FCSK: variants seen among roughly 807,000 people sequenced by gnomAD.
The protein encoded by FCSK is fucose kinase.
A neutral mutation model predicts 122.5 loss-of-function variants in FCSK; 123 were observed. That is an observed-to-expected ratio of 1.00 (90% CI 0.87 to 1.17). The LOEUF is 1.17. Ranked by LOEUF, FCSK falls within the 50% of genes most tolerant of loss-of-function variation. The probability of loss-of-function intolerance (pLI) is 0.00; values close to 1 mark genes in which losing one functional copy is unlikely to be tolerated. For missense variants in FCSK, 1,366 were observed against 1,450.4 expected (o/e 0.94, Z 0.95); for synonymous variants, 620 against 625.5 (o/e 0.99, Z 0.13).
Position 70,466,878 on chromosome 16 carries a change from A to G in FCSK, c.412-4A>G, listed in dbSNP as rs1196134771. On this transcript the variant is annotated splice_region_variant and splice_polypyrimidine_tract_variant and intron_variant, in intron 5 of 23. Transcript: ENST00000288078. ...AGCTGTGTTCTGTCTCCTTCCCCCC[A>G]CAGCTGGGCCCGGGCTCCCCGCCAG... The G allele has an allele frequency of 6.2e-7, 1 of 1,612,878 alleles. No homozygotes were observed. The highest frequency in any genetic ancestry group is 2.2e-5 in the East Asian group (1 of 44,876).
At chr16:70,461,118 C>T (rs911479484) in intron 1 of FCSK, among the ~76,000 whole-genome samples, 1 of 152,160 alleles carries the variant, frequency 6.6e-6, no homozygotes, top group Non-Finnish European at 1.5e-5. Flanking sequence ...GTGGTGGTGT[C>T]CTGTCAGCCT....
At chr16:70,458,817 G>T (rs536621078) in intron 1 of FCSK, among the ~76,000 whole-genome samples, 63 of 152,078 alleles carry the variant, frequency 4.1e-4, no homozygotes, top group Non-Finnish European at 7.2e-4. Context: ...AATTATAATA[G>T]ATAATACATA....
Position 70,469,208 on chromosome 16 carries a change from C to T in FCSK, c.840C>T (p.Asp280=). Residue 280 remains aspartate (D), a synonymous_variant, in exon 10 of 24, where the codon GAC becomes GAT. Transcript: ENST00000288078. The part of the protein sequence containing the change: ...HCMAENVTRE[D]FLVGRPPELG... ...TGGCTGAGAACGTGACCAGGGAGGA[C>T]TTCCTGGTGGGGAGGCCCCCAGAGT... The T allele has an allele frequency of 6.2e-7, 1 of 1,614,160 alleles. No individual in the cohort carries two copies. The highest frequency in any genetic ancestry group is 1.1e-5 in the South Asian group (1 of 91,084).
rs1486436511 is a variant in FCSK at position 70,471,357 on chromosome 16, G to T, written c.1341+5G>T. ...GGCCGTCTGGACAGCTGGGAGGTAG[G>T]CAGTCACCCTGCATTCCCTCACCCC... is the stretch of plus-strand genomic sequence containing the variant. On this transcript the variant is annotated splice_donor_5th_base_variant and intron_variant, in intron 13 of 23. Transcript: ENST00000288078. The T allele has an allele frequency of 1.8e-5, 28 of 1,568,026 alleles. No individual in the cohort carries two copies. Among genetic ancestry groups the T allele is most frequent in the African/African-American group, 2.7e-5 (2 of 74,376 alleles).
intron 2 of FCSK, 23 bp from the exon 3 acceptor site, chr16:70,463,600 C>G (rs976730405): frequency 6.2e-7 from 1 of 1,611,968 alleles, no homozygotes; most frequent in Non-Finnish European, 8.5e-7. Flanking sequence ...GGGGGCAGGT[C>G]CCAGTGTCTC....
chr16:70,466,611 C>T (rs538611586), intron 5 of FCSK: 16 of 514,142 alleles, frequency 3.1e-5, no homozygotes, highest in African/African-American at 1.1e-4. Flanking sequence ...GCAGGAAGAT[C>T]GCTTGAGCCC....
Position 70,463,286 on chromosome 16 carries a change from C to G in FCSK, c.82+14C>G. 6.2e-7 allele frequency: 1 copy of G among 1,605,290 alleles called. No individual in the cohort carries two copies. The highest frequency in any genetic ancestry group is 8.5e-7 in the Non-Finnish European group (1 of 1,172,558). Reference sequence around the variant, plus strand: ...TCTTTCAGAGAGGTAGGGGACTCCCCTTCCCACCTTGCCCCTAATGGAGAA... The same window carrying G: ...TCTTTCAGAGAGGTAGGGGACTCCCGTTCCCACCTTGCCCCTAATGGAGAA... On this transcript the variant is annotated intron_variant, in intron 2 of 23. Transcript: ENST00000288078.
Position 70,478,416 on chromosome 16 carries a change from T to TA in FCSK, c.2786_2787insA (p.Val930GlyfsTer39). 1 of 1,614,122 alleles carries TA rather than the reference T, an allele frequency of 6.2e-7. No homozygotes were observed. Among genetic ancestry groups the TA allele is most frequent in the Non-Finnish European group, 8.5e-7 (1 of 1,180,022 alleles). On this transcript the variant is annotated frameshift_variant, in exon 21 of 24. Coordinates refer to ENST00000288078, the MANE Select transcript of FCSK (RefSeq NM_145059.3). LOFTEE classifies it high-confidence loss of function. The stretch of plus-strand genomic sequence containing the variant: ...CAGAAGCTCAATGACCACCTGCTCT[T>TA]GGTGTACACTGGCAAGACCCGCCTG...
At chr16:70,467,668 A>C (rs1479135178) in intron 7 of FCSK, 197 bp downstream of exon 7, 1 of 633,296 alleles carries the variant, frequency 1.6e-6, no homozygotes, top group African/African-American at 1.8e-5. Flanking sequence ...CCGCCTGTCC[A>C]GTCTCTGTGC....
chr16:70,468,991 G>A lies in FCSK; in HGVS notation c.783+23G>A, dbSNP rs560555265. ...CAGGTGACTGGGGGAGGGCAGCTAGGTGGGGCCTGGCTTGGGGGCGAGGCA... is the reference window on the plus strand; with the variant it reads ...CAGGTGACTGGGGGAGGGCAGCTAGATGGGGCCTGGCTTGGGGGCGAGGCA... On this transcript the variant is annotated intron_variant, in intron 9 of 23. Coordinates refer to ENST00000288078, the MANE Select transcript of FCSK (RefSeq NM_145059.3). 30 of 1,611,800 alleles carry A rather than the reference G, an allele frequency of 1.9e-5. No individual in the cohort carries two copies. The South Asian group carries it at 3.0e-4, about 16-fold the overall frequency.
rs779504047 is a variant in FCSK, at chr16:70,479,295, C to T, written c.3045C>T (p.His1015=). 71 of 1,613,908 alleles carry T rather than the reference C, an allele frequency of 4.4e-5. No individual in the cohort carries two copies. The highest frequency in any genetic ancestry group is 5.3e-5 in the Non-Finnish European group (63 of 1,180,022). ...VRRMMDVLAP[H]VHGQSLAGAG... is the part of the protein sequence containing the mutation. ...GTATGATGGATGTCCTGGCCCCCCA[C>T]GTGCATGGCCAGAGCCTGGCTGGGG... is the stretch of plus-strand genomic sequence containing the variant. The change falls in exon 23 of 24, where the codon CAC becomes CAT. Residue 1015 remains histidine (H), a synonymous_variant. Coordinates refer to ENST00000288078, the MANE Select transcript of FCSK (RefSeq NM_145059.3).
Position 70,471,155 on chromosome 16 carries a change from C to T in FCSK, c.1171-27C>T, listed in dbSNP as rs919818534. On this transcript the variant is annotated intron_variant, in intron 12 of 23. Coordinates refer to ENST00000288078, the MANE Select transcript of FCSK (RefSeq NM_145059.3). Reference sequence around the variant, plus strand: ...GGGGGGTGTTGGGTGCCTGCCCACCCAGGATGCCTGCCCTGTCCCCCACCA... The same window carrying T: ...GGGGGGTGTTGGGTGCCTGCCCACCTAGGATGCCTGCCCTGTCCCCCACCA... The T allele has an allele frequency of 1.9e-6, 3 of 1,595,586 alleles. No individual in the cohort carries two copies. In the African/African-American group the frequency reaches 4.0e-5, roughly 21 times the overall value.
Position 70,473,403 on chromosome 16 carries a change from C to T in FCSK, c.1777+50C>T, listed in dbSNP as rs2048697552. 1.4e-6 allele frequency: 2 copies of T among 1,450,580 alleles called. No individual in the cohort carries two copies. Among genetic ancestry groups the T allele is most frequent in the Non-Finnish European group, 9.1e-7 (1 of 1,097,620 alleles). The allele number at this position is 1,450,580 out of a possible 1,614,324, so 89.9% of individuals were successfully genotyped here. ...GCAGAATCAGGCCAGGGGCACCTGC[C>T]CTCCCTGTCCTCTGGGCCATCCCCT... On this transcript the variant is annotated intron_variant, in intron 15 of 23. Coordinates refer to ENST00000288078, the MANE Select transcript of FCSK (RefSeq NM_145059.3). The surrounding 1 kb of genome is among the most constrained non-coding windows in gnomAD (Gnocchi z 4.9).
Position 70,473,122 on chromosome 16 carries a change from G to T in FCSK, c.1546G>T (p.Gly516Cys). The part of the protein sequence containing the change: ...LWMLDHQEDG[G>C]EALRAWRASW... ...GATGCTGGACCACCAGGAGGATGGG[G>T]GCGAGGCCCTGCGAGCCTGGCGGGC... is the stretch of plus-strand genomic sequence containing the variant. The change falls in exon 15 of 24, where the codon GGC (glycine) becomes TGC (cysteine). Residue 516 changes from glycine to cysteine, a missense_variant. By Grantham distance (159) the Gly-to-Cys change is radical. Coordinates refer to ENST00000288078, the MANE Select transcript of FCSK (RefSeq NM_145059.3). The surrounding 1 kb of genome is among the most constrained non-coding windows in gnomAD (Gnocchi z 4.9). 1 of 1,579,482 alleles carries T rather than the reference G, an allele frequency of 6.3e-7. No individual in the cohort carries two copies. The highest frequency in any genetic ancestry group is 8.6e-7 in the Non-Finnish European group (1 of 1,164,232).
In FCSK at chr16:70,471,214, G is replaced by C. The variant is rs1331086182; in HGVS notation, c.1203G>C (p.Val401=). ...TTCACATAGGCGCTGGCTGCTTGGT[G>C]ACTGGCCTGGATACAGCCCACTCCA... ...GPIHIGAGCL[V]TGLDTAHSKA... The change falls in exon 13 of 24, where the codon GTG becomes GTC. Residue 401 remains valine (V), a synonymous_variant. Coordinates refer to ENST00000288078, the MANE Select transcript of FCSK (RefSeq NM_145059.3). 1.9e-6 allele frequency: 3 copies of C among 1,607,912 alleles called. No homozygotes were observed. The highest frequency in any genetic ancestry group is 1.7e-4 in the Middle Eastern group (1 of 6,002).
intron 9 of FCSK, 50 bp from the exon 10 acceptor site, chr16:70,469,102 G>GCAT: frequency 6.2e-7 from 1 of 1,609,738 alleles, no homozygotes; most frequent in South Asian, 1.1e-5. Flanking sequence ...CAGAACTTGG[G>GCAT]GGCTGAACCC....
intron 13 of FCSK, among the ~76,000 whole-genome samples, chr16:70,471,813 T>G (rs2048631303): frequency 9.6e-6 from 1 of 104,192 alleles, no homozygotes; most frequent in Non-Finnish European, 1.6e-5. Flanking sequence ...GGGGTTGTTG[T>G]TTTTTTTTTT....
Position 70,478,352 on chromosome 16 carries a change from G to T in FCSK, c.2722G>T (p.Val908Leu). Reference protein sequence around the residue: ...GRSRAQLPLKVEVEEVTVPEG... With the variant: ...GRSRAQLPLKLEVEEVTVPEG... ...CTCCCGGGCTCAGCTGCCACTGAAG[G>T]TGGAGGTAGAAGAGGTCACGGTGCC... is the stretch of plus-strand genomic sequence containing the variant. Residue 908 changes from valine to leucine, a missense_variant, in exon 21 of 24, where the codon GTG becomes TTG. Physicochemically the swap from Val to Leu is conservative, Grantham distance 32. Coordinates refer to ENST00000288078, the MANE Select transcript of FCSK (RefSeq NM_145059.3). 6.2e-7 allele frequency: 1 copy of T among 1,614,238 alleles called. No homozygotes were observed. The highest frequency in any genetic ancestry group is 8.5e-7 in the Non-Finnish European group (1 of 1,180,044).
At position 70,475,430 on chromosome 16, in the gene FCSK, C is replaced by T. The variant is rs374637768; in HGVS notation, c.2458C>T (p.Arg820Cys). 54 of 1,608,578 alleles carry T rather than the reference C, an allele frequency of 3.4e-5. No individual in the cohort carries two copies. The highest frequency in any genetic ancestry group is 1.7e-4 in the Middle Eastern group (1 of 6,056). Residue 820 changes from arginine to cysteine, a missense_variant, in exon 19 of 24, where the codon CGC becomes TGC. Physicochemically the swap from Arg to Cys is radical, Grantham distance 180. Coordinates refer to ENST00000288078, the MANE Select transcript of FCSK (RefSeq NM_145059.3). ...ACTCCAGCTGAGTGAGCAGCTGCTC[C>T]GCACCTTCGGGGGCGGCTTTGAGCT... ...SELQLSEQLL[R>C]TFGGGFELHT...
Sources: allele counts gnomAD v4.1 joint callset (sites outside exome capture counted in the v4.1 genomes callset), GRCh38; gene constraint gnomAD v4.1.1; non-coding constraint Gnocchi (gnomAD v3.1); transcripts MANE v1.5; gene names NCBI Gene and HGNC (gene_info 2026-07-23, HGNC 2026-07-21).